The following MASTL variants were observed in gnomAD, a reference collection of about 807,000 sequenced individuals.
MASTL encodes serine/threonine-protein kinase greatwall.
In MASTL, 54 loss-of-function variants were observed where a neutral mutation model predicts 82.5. The observed-to-expected ratio is 0.65, with a 90% confidence interval of 0.53 to 0.82. MASTL has a LOEUF of 0.82. Ranked by LOEUF, MASTL falls within the 40% of genes least tolerant of loss-of-function variation. The pLI is 0.00. For missense variants in MASTL, 950 were observed against 1,047.8 expected, an observed-to-expected ratio of 0.91 and a Z score of 1.29; for synonymous variants, 323 against 368.9, an observed-to-expected ratio of 0.88 and a Z score of 1.43.
intron 6 of MASTL, among the ~76,000 whole-genome samples, chr10:27,165,990 T>G (rs1328720611): frequency 6.6e-6 from 1 of 151,734 alleles, no homozygotes; most frequent in East Asian, 1.9e-4. Context: ...GCGGATCCCT[T>G]AAGGTCAGGA....
intron 3 of MASTL, 97 bp from the exon 4 acceptor site, chr10:27,160,997 T>C: frequency 1.2e-6 from 1 of 805,716 alleles, no homozygotes; most frequent in Non-Finnish European, 2.2e-6. Flanking sequence ...AGGAAATAAA[T>C]AGGGTTTGCC....
At chr10:27,165,242 T>A (rs2057703898) in intron 5 of MASTL, 72 bp downstream of exon 5, 50 of 1,360,498 alleles carry the variant, frequency 3.7e-5, no homozygotes, top group Non-Finnish European at 4.4e-5. Context: ...AAATCACCTT[T>A]AAAAAAAAAG....
At chr10:27,177,983 G>C (rs2058154034) in intron 9 of MASTL, among the ~76,000 whole-genome samples, 1 of 152,182 alleles carries the variant, frequency 6.6e-6, no homozygotes. Context: ...CAGAGAGGTG[G>C]TTCTTCTCTG....
chr10:27,157,217 C>T (rs2135951224), intron 1 of MASTL, among the ~76,000 whole-genome samples: 1 of 152,320 alleles, frequency 6.6e-6, no homozygotes, highest in South Asian at 2.1e-4. Flanking sequence ...CCTAATCTTT[C>T]AGAATTGGAA....
intron 11 of MASTL, among the ~76,000 whole-genome samples, chr10:27,184,516 G>C (rs1337372935): frequency 6.7e-6 from 1 of 148,880 alleles, no homozygotes; most frequent in Non-Finnish European, 1.5e-5. Context: ...ATATTGGTCA[G>C]ATTGCCATTA....
At chr10:27,182,840 G>A (rs1345552965) in intron 11 of MASTL, among the ~76,000 whole-genome samples, 1 of 148,010 alleles carries the variant, frequency 6.8e-6, no homozygotes. Context: ...TAAAGACAGT[G>A]TCTCACTATG....
chr10:27,156,231 A>G (rs973698996), intron 1 of MASTL, among the ~76,000 whole-genome samples: 1 of 151,968 alleles, frequency 6.6e-6, no homozygotes, highest in African/African-American at 2.4e-5. Flanking sequence ...TCACCGTGTT[A>G]GCCAGGATGG....
At chr10:27,156,360 A>T (rs1016439121) in intron 1 of MASTL, among the ~76,000 whole-genome samples, 1 of 151,946 alleles carries the variant, frequency 6.6e-6, no homozygotes, top group Non-Finnish European at 1.5e-5. Flanking sequence ...TTTAGTAATT[A>T]GTGGTTTTGT....
At chr10:27,183,482 A>G (rs1322060294) in intron 11 of MASTL, among the ~76,000 whole-genome samples, 12 of 151,914 alleles carry the variant, frequency 7.9e-5, no homozygotes, top group Non-Finnish European at 1.8e-4. Flanking sequence ...ATGGGGTTTC[A>G]CCATGTTGGC....
intron 1 of MASTL, among the ~76,000 whole-genome samples, chr10:27,157,554 A>G (rs1796897394): frequency 3.3e-5 from 5 of 152,210 alleles, no homozygotes; most frequent in Admixed American, 3.3e-4. Flanking sequence ...TGAAAGAAAT[A>G]TGCCTTTTTT....
At position 27,159,577 on chromosome 10, in the gene MASTL, C is replaced by T; in HGVS notation, c.325-42C>T. On this transcript the variant is annotated intron_variant, in intron 2 of 11. Transcript: ENST00000375940. The surrounding 1 kb of genome is among the most constrained non-coding windows in gnomAD (Gnocchi z 4.0). ...CCAAATACTAGATTTTTAAAGTAAT[C>T]ATATTGTTTTTATTTCACAATATTA... 7.5e-7 allele frequency: 1 copy of T among 1,338,862 alleles called. No individual in the cohort carries two copies. The highest frequency in any genetic ancestry group is 1.1e-6 in the Non-Finnish European group (1 of 934,838). 82.9% of individuals were successfully genotyped at this position (1,338,862 alleles called of 1,614,324 possible).
At chr10:27,158,260 G>T (rs931757767) in intron 1 of MASTL, among the ~76,000 whole-genome samples, 6 of 152,186 alleles carry the variant, frequency 3.9e-5, no homozygotes, top group African/African-American at 1.2e-4. Flanking sequence ...TGGCTTCCAC[G>T]TGTAATCCCA....
At chr10:27,169,616 T>G (rs986618181) in intron 7 of MASTL, among the ~76,000 whole-genome samples, 1 of 151,902 alleles carries the variant, frequency 6.6e-6, no homozygotes, top group African/African-American at 2.4e-5. Flanking sequence ...AAAATAGATA[T>G]GTACGTAATG....
At chr10:27,166,980 AATTCTTAATACATATTAATAT>A (rs2057761135) in intron 6 of MASTL, 101 bp from the exon 7 acceptor site, 2 of 118,720 alleles carry the variant, frequency 1.7e-5, no homozygotes, top group African/African-American at 8.8e-5. Flanking sequence ...TCTGATATGT[AATTCTTAATACATATTAATAT>A]GTAATTCTTG....
Position 27,170,530 on chromosome 10 carries a change from C to T in MASTL, c.1571C>T (p.Pro524Leu). The change falls in exon 8 of 12, where the codon CCT becomes CTT. Residue 524 changes from proline to leucine, a missense_variant. Physicochemically the swap from Pro to Leu is moderately conservative, Grantham distance 98 (BLOSUM62 -3). Transcript: ENST00000375940. ...TDKQQTPEKL[P>L]IPMIAKNLMC... ...AAACAACAAACACCAGAAAAATTACCTATACCAATGATAGCAAAAAACCTT... is the reference window on the plus strand; with the variant it reads ...AAACAACAAACACCAGAAAAATTACTTATACCAATGATAGCAAAAAACCTT... 6.2e-7 allele frequency: 1 copy of T among 1,613,896 alleles called. No homozygotes were observed.
intron 4 of MASTL, among the ~76,000 whole-genome samples, chr10:27,162,558 A>C (rs1317241321): frequency 1.3e-5 from 2 of 152,120 alleles, no homozygotes; most frequent in African/African-American, 4.8e-5. Flanking sequence ...AGTCCCAGCT[A>C]CTTAGTAGGC....
Position 27,165,471 on chromosome 10 carries a change from G to A in MASTL, c.743G>A (p.Gly248Glu). The part of the protein sequence containing the change: ...CLSETSQLSQ[G>E]LVCPMSVDQK... Reference sequence around the variant, plus strand: ...TCTGAAACATCACAGCTTTCTCAAGGACTCGTATGCCCTATGTCTGTAGAT... The same window carrying A: ...TCTGAAACATCACAGCTTTCTCAAGAACTCGTATGCCCTATGTCTGTAGAT... Residue 248 changes from glycine (G) to glutamate (E), a missense_variant, in exon 6 of 12, where the codon GGA becomes GAA. By Grantham distance (98) the Gly-to-Glu change is moderately conservative (BLOSUM62 -2). Coordinates refer to ENST00000375940, the MANE Select transcript of MASTL (RefSeq NM_001172303.3). The A allele has an allele frequency of 6.2e-7, 1 of 1,614,056 alleles. No homozygotes were observed. Among genetic ancestry groups the A allele is most frequent in the East Asian group, 2.2e-5 (1 of 44,876 alleles).
At chr10:27,162,224 TTATTC>T in intron 4 of MASTL, among the ~76,000 whole-genome samples, 1 of 152,344 alleles carries the variant, frequency 6.6e-6, no homozygotes, top group Admixed American at 6.5e-5. Context: ...GCTTTGGAAT[TTATTC>T]TAAGGAAATT....
chr10:27,168,196 T>A (rs1405842375), intron 7 of MASTL, among the ~76,000 whole-genome samples: 1 of 152,216 alleles, frequency 6.6e-6, no homozygotes, highest in East Asian at 1.9e-4. Flanking sequence ...AATTAACGTT[T>A]AACTAAGGCA....
Sources: gnomAD v4.1 joint callset for allele counts (sites outside exome capture counted in the v4.1 genomes callset) on GRCh38, gnomAD v4.1.1 for gene constraint, Gnocchi (gnomAD v3.1) non-coding constraint, MANE v1.5 for transcripts, NCBI Gene and HGNC (gene_info 2026-07-23, HGNC 2026-07-21) for gene names.